Variants in TEAD1 observed in about 807,000 individuals in gnomAD.
The protein encoded by TEAD1 is TEA domain transcription factor 1.
In TEAD1, 9 loss-of-function variants were observed where a neutral mutation model predicts 54.9. The ratio of observed to expected loss-of-function variants is 0.16; its 90% CI spans 0.10 to 0.29. The LOEUF (loss-of-function observed/expected upper bound fraction) is 0.29, where lower values mean the gene tolerates loss of function less well. Among genes scored for constraint, TEAD1 ranks in the 10% least tolerant of loss-of-function variants. TEAD1 has a pLI of 1.00. For synonymous variants in TEAD1, 200 were observed against 187.8 expected (o/e 1.07, Z -0.53); for missense variants, 387 against 535.9 (o/e 0.72, Z 2.74).
At chr11:12,919,058 A>C (rs1948762001) in intron 10 of TEAD1, among the ~76,000 whole-genome samples, 1 of 152,206 alleles carries the variant, frequency 6.6e-6, no homozygotes, top group Admixed American at 6.5e-5. Flanking sequence ...ACTTGATGAA[A>C]ATTAATCAAG....
In TEAD1 at chr11:12,675,522, CAGG is replaced by C. The variant is rs1943065156; in HGVS notation, c.-88_-86del. The C allele has an allele frequency of 1.3e-5, 2 of 152,232 alleles. No individual in the cohort carries two copies. The highest frequency in any genetic ancestry group is 4.8e-5 in the African/African-American group (2 of 41,440). 9.4% of individuals were successfully genotyped at this position (152,232 alleles called of 1,614,324 possible). ...ACTGAGTCGCAGTTACCACCAAACC[CAGG>C]AGGAGACTCTCCCTGGAAAACTTCC... is the stretch of plus-strand genomic sequence containing the variant. On this transcript the variant is annotated 5_prime_UTR_variant, in exon 2 of 13. Transcript: ENST00000527636.
chr11:12,901,598 T>C (rs1381830608), intron 9 of TEAD1, among the ~76,000 whole-genome samples: 1 of 152,226 alleles, frequency 6.6e-6, no homozygotes, highest in Non-Finnish European at 1.5e-5. Context: ...CCAAAGAGTA[T>C]CACTTTCATT....
chr11:12,808,725 C>T (rs1436420022), intron 3 of TEAD1, among the ~76,000 whole-genome samples: 1 of 152,190 alleles, frequency 6.6e-6, no homozygotes, highest in African/African-American at 2.4e-5. Context: ...TGAATAGGCA[C>T]AGCTGCAATT....
intron 3 of TEAD1, among the ~76,000 whole-genome samples, chr11:12,778,529 CTT>C (rs775536398): frequency 0.034 from 4,270 of 125,730 alleles, 218 homozygotes; most frequent in African/African-American, 0.12. Flanking sequence ...TCATCAGACT[CTT>C]TTTTTTTTTT....
chr11:12,744,443 C>T (rs987220509), intron 2 of TEAD1, among the ~76,000 whole-genome samples: 14 of 152,132 alleles, frequency 9.2e-5, no homozygotes, highest in Non-Finnish European at 1.8e-4. Context: ...AAATCACAGA[C>T]ACAGAGAAGT....
At chr11:12,837,393 T>C (rs1946915671) in intron 3 of TEAD1, among the ~76,000 whole-genome samples, 1 of 152,318 alleles carries the variant, frequency 6.6e-6, no homozygotes, top group African/African-American at 2.4e-5. Flanking sequence ...TTTTGGCTAC[T>C]GTTCTCAATG....
chr11:12,741,551 T>C (rs1304059056), intron 2 of TEAD1, among the ~76,000 whole-genome samples: 1 of 152,200 alleles, frequency 6.6e-6, no homozygotes, highest in African/African-American at 2.4e-5. Flanking sequence ...ATTTGCCATT[T>C]TTCTCCCTCC....
chr11:12,784,312 A>G (rs535211161), intron 3 of TEAD1, among the ~76,000 whole-genome samples: 5 of 152,198 alleles, frequency 3.3e-5, no homozygotes, highest in African/African-American at 9.6e-5. Context: ...TTTGAGTTGT[A>G]TGGAGTTTGC....
intron 10 of TEAD1, among the ~76,000 whole-genome samples, chr11:12,902,436 G>A (rs144386988): frequency 6.6e-6 from 1 of 152,338 alleles, no homozygotes; most frequent in Non-Finnish European, 1.5e-5. Context: ...GCATCAGAGA[G>A]GAAACAGAAT....
chr11:12,709,546 G>T (rs1397174172), intron 2 of TEAD1, among the ~76,000 whole-genome samples: 1 of 151,900 alleles, frequency 6.6e-6, no homozygotes, highest in Non-Finnish European at 1.5e-5. Flanking sequence ...TAGAGATGAG[G>T]GTCTTGCTTT....
chr11:12,929,546 T>C (rs1948975363), intron 11 of TEAD1, among the ~76,000 whole-genome samples: 1 of 152,112 alleles, frequency 6.6e-6, no homozygotes, highest in African/African-American at 2.4e-5. Flanking sequence ...TCATGGCTGA[T>C]ACGTTTTGAT....
intron 5 of TEAD1, chr11:12,879,002 C>T (rs532007165): frequency 8.3e-6 from 8 of 967,872 alleles, no homozygotes; most frequent in East Asian, 6.0e-5. Flanking sequence ...TAGAAAAGAC[C>T]CGTTCAGGAA....
intron 12 of TEAD1, 87 bp downstream of exon 12, chr11:12,930,413 C>T (rs1948992046): frequency 7.1e-6 from 11 of 1,544,186 alleles, no homozygotes; most frequent in Non-Finnish European, 9.8e-6. Flanking sequence ...AGGCGCTGGG[C>T]CTGCGCCGAG....
intron 3 of TEAD1, among the ~76,000 whole-genome samples, chr11:12,835,740 A>G (rs1428711230): frequency 2.6e-5 from 4 of 152,208 alleles, no homozygotes; most frequent in Non-Finnish European, 5.9e-5. Flanking sequence ...ATAGAAGAAG[A>G]GAACTTCTAT....
intron 11 of TEAD1, among the ~76,000 whole-genome samples, 155 bp from the exon 12 acceptor site, chr11:12,930,019 T>G (rs1283816706): frequency 6.6e-6 from 1 of 152,204 alleles, no homozygotes; most frequent in Non-Finnish European, 1.5e-5. Context: ...AATTTGGAGA[T>G]AGTTTTTTTT....
At chr11:12,792,586 G>T (rs530343144) in intron 3 of TEAD1, among the ~76,000 whole-genome samples, 20 of 152,304 alleles carry the variant, frequency 1.3e-4, no homozygotes, top group Non-Finnish European at 2.4e-4. Flanking sequence ...AGAACATAAG[G>T]TCTGGATATG....
intron 2 of TEAD1, among the ~76,000 whole-genome samples, chr11:12,731,367 T>C (rs1944421407): frequency 6.6e-6 from 1 of 152,212 alleles, no homozygotes; most frequent in Non-Finnish European, 1.5e-5. Flanking sequence ...CACTCATAGA[T>C]TATTAGTATC....
At chr11:12,777,456 G>T (rs1945452281) in intron 3 of TEAD1, among the ~76,000 whole-genome samples, 1 of 152,142 alleles carries the variant, frequency 6.6e-6, no homozygotes, top group African/African-American at 2.4e-5. Flanking sequence ...TTAGATGAAT[G>T]GTTCTATTAC....
At chr11:12,822,759 C>T (rs1316968272) in intron 3 of TEAD1, 1 of 152,202 alleles carries the variant, frequency 6.6e-6, no homozygotes, top group African/African-American at 2.4e-5. Flanking sequence ...AGAGCGCCTT[C>T]ACTCCGTAGT....
Sources: gnomAD v4.1 joint callset for allele counts (sites outside exome capture counted in the v4.1 genomes callset) on GRCh38, gnomAD v4.1.1 for gene constraint, MANE v1.5 for transcripts, NCBI Gene and HGNC (gene_info 2026-07-23, HGNC 2026-07-21) for gene names.